CD6: variants seen among roughly 807,000 people sequenced by gnomAD.
CD6 encodes the protein CD6 molecule, also known as T-cell differentiation antigen CD6.
CD6 carries 53 observed loss-of-function variants against 75.3 expected under a neutral mutation model. The ratio of observed to expected loss-of-function variants is 0.70; its 90% CI spans 0.56 to 0.88. The LOEUF is 0.88. Among genes scored for constraint, CD6 ranks in the 40% least tolerant of loss-of-function variants. CD6 has a pLI of 0.00. For synonymous variants in CD6, 359 were observed against 381.5 expected, an observed-to-expected ratio of 0.94 and a Z score of 0.69; for missense variants, 770 against 897.1, an observed-to-expected ratio of 0.86 and a Z score of 1.81.
At chr11:61,001,727 A>G (rs1858594914) in intron 1 of CD6, among the ~76,000 whole-genome samples, 1 of 152,000 alleles carries the variant, frequency 6.6e-6, no homozygotes, top group African/African-American at 2.4e-5. Context: ...TCCTCCCCCT[A>G]TCTTCCATGG....
In CD6 at chr11:61,003,648, C is replaced by T. The variant is rs148470124; in HGVS notation, c.50-2926C>T. ...ACTCGGGAAACTGAGGCACGAGAAT[C>T]GCTTGAACCCAGGAGGTGGAGGTTG... On this transcript the variant is annotated intron_variant, in intron 1 of 12. Transcript: ENST00000313421. Among the ~76,000 whole-genome samples, 1,126 of 152,272 alleles carry T rather than the reference C, an allele frequency of 7.4e-3. 17 individuals are homozygous for T. Among genetic ancestry groups the T allele is most frequent in the African/African-American group, 0.026 (1,072 of 41,564 alleles).
At chr11:60,994,853 T>C (rs1321080565) in intron 1 of CD6, among the ~76,000 whole-genome samples, 2 of 152,176 alleles carry the variant, frequency 1.3e-5, no homozygotes, top group Non-Finnish European at 2.9e-5. Flanking sequence ...ACTGCTGACT[T>C]TCCTCTGGGC....
chr11:61,007,106 G>C lies in CD6; in HGVS notation c.119-454G>C, dbSNP rs2074223. ...CCCATCATCAACCCCATGGCCAGCC[G>C]CTTCACAATCCTCCAAGGTTCCCTA... On this transcript the variant is annotated intron_variant, in intron 2 of 12. Transcript: ENST00000313421. This position sits in a 1 kb window ranked among gnomAD's most constrained non-coding sequence, Gnocchi z 4.2. Among the ~76,000 whole-genome samples the C allele has an allele frequency of 0.2, 29,972 of 151,992 alleles. 3,566 individuals are homozygous for C. The highest frequency in any genetic ancestry group is 0.33 in the Middle Eastern group (97 of 294).
rs2134969553 is a variant in CD6 at position 60,971,882 on chromosome 11, G to A, written c.17G>A (p.Gly6Glu). 6.2e-7 allele frequency: 1 copy of A among 1,613,992 alleles called. No homozygotes were observed. The highest frequency in any genetic ancestry group is 8.5e-7 in the Non-Finnish European group (1 of 1,179,986). MWLFFGITGLLTAALS... is the reference protein window; with the variant it reads MWLFFEITGLLTAALS... ...GCTCCAGACATGTGGCTCTTCTTCGGGATCACTGGATTGCTGACGGCAGCC... is the reference window on the plus strand; with the variant it reads ...GCTCCAGACATGTGGCTCTTCTTCGAGATCACTGGATTGCTGACGGCAGCC... Residue 6 changes from glycine to glutamate, a missense_variant, in exon 1 of 13, where the codon GGG becomes GAG. Gly to Glu is a moderately conservative substitution (Grantham distance 98). Transcript: ENST00000313421.
intron 1 of CD6, among the ~76,000 whole-genome samples, chr11:61,001,724 C>A (rs993996400): frequency 6.6e-6 from 1 of 152,136 alleles, no homozygotes; most frequent in Non-Finnish European, 1.5e-5. Context: ...TTTTCCTCCC[C>A]CTATCTTCCA....
At chr11:60,981,509 T>C (rs1245230335) in intron 1 of CD6, among the ~76,000 whole-genome samples, 2 of 152,216 alleles carry the variant, frequency 1.3e-5, no homozygotes, top group Non-Finnish European at 2.9e-5. Flanking sequence ...TCCTTCAGGC[T>C]GAGTGGCCAT....
intron 1 of CD6, among the ~76,000 whole-genome samples, chr11:60,976,011 A>T (rs1021301413): frequency 1.3e-5 from 2 of 152,230 alleles, no homozygotes; most frequent in African/African-American, 4.8e-5. Context: ...AGTGAAGTGA[A>T]TATTAAGTTA....
Position 61,015,840 on chromosome 11 carries a change from G to A in CD6, c.1510+5G>A, listed in dbSNP as rs1444739745. 1 of 1,613,976 alleles carries A rather than the reference G, an allele frequency of 6.2e-7. No homozygotes were observed. Among genetic ancestry groups the A allele is most frequent in the South Asian group, 1.1e-5 (1 of 91,078 alleles). On this transcript the variant is annotated splice_donor_5th_base_variant and intron_variant, in intron 9 of 12. Coordinates refer to ENST00000313421, the MANE Select transcript of CD6 (RefSeq NM_006725.5). ...TGGCCCTGACCACCTTCTACAGTGA[G>A]TGCCTGGCCGGGCTCCCGAGGGCCC...
chr11:60,994,093 C>T (rs1858176349), intron 1 of CD6, among the ~76,000 whole-genome samples: 1 of 152,106 alleles, frequency 6.6e-6, no homozygotes, highest in Non-Finnish European at 1.5e-5. Context: ...TGGAAGGTAT[C>T]ACACAGGTGA....
chr11:61,009,870 C>T lies in CD6; in HGVS notation c.1080C>T (p.Cys360=), dbSNP rs1351047805. The T allele has an allele frequency of 9.7e-6, 15 of 1,549,028 alleles. No individual in the cohort carries two copies. The African/African-American group carries it at 1.5e-4, about 16-fold the overall frequency. ...CSQSLAARVL[C]SASRSLHNLS... ...AGTCGCTGGCAGCCAGGGTCCTCTG[C>T]TCAGGTACCCCATCCTACTCCACCC... Residue 360 remains cysteine (C), a synonymous_variant, in exon 5 of 13, where the codon TGC becomes TGT. Coordinates refer to ENST00000313421, the MANE Select transcript of CD6 (RefSeq NM_006725.5).
intron 1 of CD6, among the ~76,000 whole-genome samples, chr11:60,991,149 C>CTTTTTTTTTTTTTTTTTTTTTTTTTTTTT (rs58123378): frequency 3.5e-5 from 4 of 114,712 alleles, no homozygotes; most frequent in Non-Finnish European, 6.8e-5. Context: ...CTTTTTCTTT[C>CTTTTTTTTTTTTTTTTTTTTTTTTTTTTT]TTTTTTTTTT....
chr11:60,973,022 AT>A (rs1262307873), intron 1 of CD6, among the ~76,000 whole-genome samples: 1 of 152,194 alleles, frequency 6.6e-6, no homozygotes, highest in East Asian at 1.9e-4. Flanking sequence ...CAGCTCTGGA[AT>A]TTCAGCTGCC....
chr11:60,987,296 C>T (rs1341136288), intron 1 of CD6, among the ~76,000 whole-genome samples: 1 of 152,162 alleles, frequency 6.6e-6, no homozygotes, highest in Non-Finnish European at 1.5e-5. Flanking sequence ...CAATCTCCGC[C>T]TTATCTTAAA....
chr11:60,981,040 C>G (rs914175324), intron 1 of CD6, among the ~76,000 whole-genome samples: 1 of 152,072 alleles, frequency 6.6e-6, no homozygotes, highest in African/African-American at 2.4e-5. Flanking sequence ...CTGACCCAGA[C>G]TGGTGTGCCA....
chr11:60,984,619 A>G (rs1857726767), intron 1 of CD6, among the ~76,000 whole-genome samples: 1 of 152,258 alleles, frequency 6.6e-6, no homozygotes, highest in Non-Finnish European at 1.5e-5. Context: ...AAAATAGACC[A>G]AAAACATAAA....
intron 1 of CD6, among the ~76,000 whole-genome samples, chr11:60,997,190 A>G (rs1385380336): frequency 6.6e-6 from 1 of 152,196 alleles, no homozygotes; most frequent in Non-Finnish European, 1.5e-5. Context: ...AGCCTGGCCA[A>G]CGTGGTGAAA....
At chr11:60,972,809 G>A (rs942024530) in intron 1 of CD6, among the ~76,000 whole-genome samples, 9 of 152,168 alleles carry the variant, frequency 5.9e-5, no homozygotes, top group Non-Finnish European at 1.3e-4. Context: ...CATCGAGCTG[G>A]TTTGGAGGAC....
At chr11:61,000,145 T>C (rs1198552986) in intron 1 of CD6, among the ~76,000 whole-genome samples, 1 of 152,118 alleles carries the variant, frequency 6.6e-6, no homozygotes, top group Non-Finnish European at 1.5e-5. Context: ...GAAAAGGGAA[T>C]CTAGAACCAT....
chr11:61,015,431 C>CGTGATG (rs1204002537), intron 8 of CD6: 1 of 316,102 alleles, frequency 3.2e-6, no homozygotes, highest in Non-Finnish European at 5.9e-6. Context: ...ATTAGCTGGG[C>CGTGATG]GTGATGGTGC....
Sources: gnomAD v4.1 joint callset for allele counts (sites outside exome capture counted in the v4.1 genomes callset) on GRCh38, gnomAD v4.1.1 for gene constraint, Gnocchi (gnomAD v3.1) non-coding constraint, MANE v1.5 for transcripts, NCBI Gene and HGNC (gene_info 2026-07-23, HGNC 2026-07-21) for gene names.